The following GATAD1 variants were observed in gnomAD, a reference collection of about 807,000 sequenced individuals.
GATAD1 encodes the protein GATA zinc finger domain containing 1.
GATAD1 carries 12 observed loss-of-function variants against 26.5 expected under a neutral mutation model. The observed-to-expected ratio is 0.45, with a 90% CI of 0.29 to 0.73. The LOEUF (loss-of-function observed/expected upper bound fraction) is 0.73, where lower values mean the gene tolerates loss of function less well. Ranked by LOEUF, GATAD1 falls within the 30% of genes least tolerant of loss-of-function variation. GATAD1 has a pLI of 0.10. For synonymous variants in GATAD1, 129 were observed against 133.1 expected (o/e 0.97, Z 0.21); for missense variants, 266 against 342.1 (o/e 0.78, Z 1.75).
At chr7:92,448,677 A>G (rs1789281645) in intron 1 of GATAD1, 75 bp from the exon 2 acceptor site, 3 of 1,133,748 alleles carry the variant, frequency 2.6e-6, no homozygotes, top group Non-Finnish European at 4.0e-6. Flanking sequence ...GGATCCTTGT[A>G]AGATGATTGT....
chr7:92,490,069 G>T, the GATAD1 span: 1 of 679,646 alleles, frequency 1.5e-6, no homozygotes, highest in East Asian at 2.7e-5. Context: ...CTGAAAAGTT[G>T]TTCATCTTTT....
chr7:92,468,926 G>T, the GATAD1 span: 1 of 764,150 alleles, frequency 1.3e-6, no homozygotes, highest in South Asian at 1.3e-5. Flanking sequence ...GGCTCCATTT[G>T]TAGTTTTACA....
intron 4 of GATAD1, among the ~76,000 whole-genome samples, chr7:92,455,770 T>C (rs1489292946): frequency 1.3e-5 from 2 of 152,212 alleles, no homozygotes; most frequent in Admixed American, 1.3e-4. Context: ...AATTCTAGCC[T>C]TCTGCTTATA....
intron 2 of GATAD1, 51 bp from the exon 3 acceptor site, chr7:92,450,649 CT>C: frequency 3.3e-6 from 4 of 1,209,922 alleles, no homozygotes; most frequent in Non-Finnish European, 4.9e-6. Context: ...GGGAAAATGC[CT>C]GTAGACACAT....
At chr7:92,450,053 G>A (rs1045364119) in intron 2 of GATAD1, 4 of 151,978 alleles carry the variant, frequency 2.6e-5, no homozygotes, top group African/African-American at 4.8e-5. Context: ...ATGGTATACC[G>A]TGTTCTCAGC....
the GATAD1 span, chr7:92,477,763 C>A: frequency 5.5e-6 from 1 of 180,518 alleles, no homozygotes; most frequent in Non-Finnish European, 1.1e-5. Flanking sequence ...CTGCAGGATC[C>A]AGAGGGATGG....
At chr7:92,487,307 A>G in the GATAD1 span, 1 of 555,270 alleles carries the variant, frequency 1.8e-6, no homozygotes, top group South Asian at 2.4e-5. Context: ...TGATCATTAC[A>G]TAATTATAGC....
At chr7:92,482,316 C>A in the GATAD1 span, among the ~76,000 whole-genome samples, 1 of 152,110 alleles carries the variant, frequency 6.6e-6, no homozygotes, top group Non-Finnish European at 1.5e-5. Context: ...GCATTGAGGA[C>A]AAAAGAGTGT....
Position 92,448,743 on chromosome 7 carries a change from G to C in GATAD1, c.250-9G>C, listed in dbSNP as rs1266730259. On this transcript the variant is annotated splice_polypyrimidine_tract_variant and intron_variant, in intron 1 of 4. Transcript: ENST00000287957. ...TCTCTTTTTGTTCTTTAATTTGTTTGTGTAACAGAGTAAGCAGGAAATTCA... is the reference window on the plus strand; with the variant it reads ...TCTCTTTTTGTTCTTTAATTTGTTTCTGTAACAGAGTAAGCAGGAAATTCA... The C allele has an allele frequency of 1.2e-6, 2 of 1,608,256 alleles. No individual in the cohort carries two copies. The highest frequency in any genetic ancestry group is 1.7e-6 in the Non-Finnish European group (2 of 1,175,006).
At chr7:92,448,140 A>G (rs887764388) in intron 1 of GATAD1, among the ~76,000 whole-genome samples, 162 bp downstream of exon 1, 1 of 152,216 alleles carries the variant, frequency 6.6e-6, no homozygotes, top group Admixed American at 6.5e-5. Context: ...CGTTTGGCCC[A>G]TTCCGAAGCA....
the GATAD1 span, among the ~76,000 whole-genome samples, chr7:92,473,874 A>G: frequency 3.9e-4 from 59 of 152,182 alleles, 2 homozygotes; most frequent in East Asian, 2.9e-3. Flanking sequence ...CGCTTGCCCC[A>G]GGCACCCTCA....
chr7:92,489,323 C>T, the GATAD1 span: 1 of 1,613,590 alleles, frequency 6.2e-7, no homozygotes, highest in South Asian at 1.1e-5. Context: ...GTCATCTTCA[C>T]TAATGGATGG....
chr7:92,460,379 T>C (rs1296388853), downstream of GATAD1, among the ~76,000 whole-genome samples: 1 of 152,118 alleles, frequency 6.6e-6, no homozygotes, highest in East Asian at 1.9e-4. Context: ...TAGGAGGGTA[T>C]ACCTCCTACA....
intron 3 of GATAD1, 176 bp from the exon 4 acceptor site, chr7:92,454,326 A>C (rs1789572975): frequency 3.4e-6 from 2 of 591,710 alleles, no homozygotes; most frequent in Non-Finnish European, 5.9e-6. Context: ...TATAATTTTC[A>C]TTCAAACGTG....
chr7:92,470,092 G>A, the GATAD1 span: 3 of 778,772 alleles, frequency 3.9e-6, no homozygotes, highest in Non-Finnish European at 7.2e-6. Context: ...AAGTCCTCCA[G>A]GACAACTAGG....
the GATAD1 span, chr7:92,489,459 T>C: frequency 6.3e-7 from 1 of 1,591,816 alleles, no homozygotes; most frequent in Non-Finnish European, 8.6e-7. Context: ...AGAGTTAAAT[T>C]AAGGATGTAA....
the GATAD1 span, among the ~76,000 whole-genome samples, chr7:92,473,402 G>T: frequency 2.6e-5 from 4 of 152,018 alleles, no homozygotes; most frequent in African/African-American, 9.7e-5. Flanking sequence ...GTCTGAGGGG[G>T]TACTGCCTTT....
the GATAD1 span, among the ~76,000 whole-genome samples, chr7:92,476,772 A>C: frequency 1.8e-4 from 28 of 152,058 alleles, no homozygotes; most frequent in African/African-American, 6.5e-4. Flanking sequence ...GGTCCTACAT[A>C]ACTGCCCATG....
At chr7:92,489,620 A>G in the GATAD1 span, 7 of 1,191,328 alleles carry the variant, frequency 5.9e-6, no homozygotes, top group Non-Finnish European at 8.6e-6. Flanking sequence ...GTTTATAAAT[A>G]TAGCTCGTTT....
Sources: allele counts gnomAD v4.1 joint callset (sites outside exome capture counted in the v4.1 genomes callset), GRCh38; gene constraint gnomAD v4.1.1; transcripts MANE v1.5; gene names NCBI Gene and HGNC (gene_info 2026-07-23, HGNC 2026-07-21).